PTPRT: variants seen among roughly 807,000 people sequenced by gnomAD.
The protein encoded by PTPRT is protein tyrosine phosphatase receptor type T.
Under a neutral mutation model 176.8 loss-of-function variants are expected in PTPRT, and 56 were observed. The observed-to-expected ratio is 0.32, with a 90% CI of 0.26 to 0.40. The LOEUF (loss-of-function observed/expected upper bound fraction) is 0.40, where lower values mean the gene tolerates loss of function less well. PTPRT is among the 10% of genes least tolerant of loss of function. The probability of loss-of-function intolerance (pLI) is 1.00; values close to 1 mark genes in which losing one functional copy is unlikely to be tolerated. For missense variants in PTPRT, 1,540 were observed against 1,908.2 expected, an observed-to-expected ratio of 0.81 and a Z score of 3.60; for synonymous variants, 783 against 739.0, an observed-to-expected ratio of 1.06 and a Z score of -0.96.
At chr20:43,166,307 G>A (rs529597770) in intron 1 of PTPRT, among the ~76,000 whole-genome samples, 2 of 149,712 alleles carry the variant, frequency 1.3e-5, no homozygotes, top group Admixed American at 6.6e-5. Flanking sequence ...AACCCCGGGC[G>A]ACAGAGCAAG....
chr20:42,536,916 A>AT (rs916272252), intron 7 of PTPRT, among the ~76,000 whole-genome samples: 37 of 152,256 alleles, frequency 2.4e-4, no homozygotes, highest in African/African-American at 6.7e-4. Context: ...TATCAAGAGC[A>AT]TTTTTTTGCA....
In PTPRT at chr20:42,616,732, C is replaced by T. The variant is rs1258864405; in HGVS notation, c.1153+61134G>A. Reference sequence around the variant, plus strand: ...ATGGGAGTTCACTCATGATTTGGCTCTCTGTTTGTCTGTTGTTGGTGTATA... The same window carrying T: ...ATGGGAGTTCACTCATGATTTGGCTTTCTGTTTGTCTGTTGTTGGTGTATA... On this transcript the variant is annotated intron_variant, in intron 7 of 30. Coordinates refer to ENST00000373187, the MANE Select transcript of PTPRT (RefSeq NM_007050.6). Among the ~76,000 whole-genome samples, 2 of 120,550 alleles carry T rather than the reference C, an allele frequency of 1.7e-5. 1 individual carries two copies. Among genetic ancestry groups the T allele is most frequent in the Non-Finnish European group, 3.3e-5 (2 of 60,272 alleles). 79.1% of individuals were successfully genotyped at this position (120,550 alleles called of 152,430 possible).
At chr20:42,964,784 T>C (rs571694395) in intron 1 of PTPRT, among the ~76,000 whole-genome samples, 5 of 152,192 alleles carry the variant, frequency 3.3e-5, no homozygotes, top group Admixed American at 2.6e-4. Context: ...GTTTTTATGT[T>C]GTATTATCTG....
chr20:42,682,195 T>C (rs776829037), intron 6 of PTPRT, among the ~76,000 whole-genome samples: 2 of 152,238 alleles, frequency 1.3e-5, no homozygotes, highest in Non-Finnish European at 2.9e-5. Flanking sequence ...ACCATTTCTG[T>C]ATCTTAACTG....
intron 12 of PTPRT, among the ~76,000 whole-genome samples, chr20:42,292,575 A>T (rs1385578836): frequency 6.6e-6 from 1 of 152,212 alleles, no homozygotes; most frequent in Non-Finnish European, 1.5e-5. Flanking sequence ...ATAATAAGCC[A>T]GGCTAAAATA....
intron 7 of PTPRT, among the ~76,000 whole-genome samples, chr20:42,648,223 C>A (rs944688743): frequency 1.3e-5 from 2 of 152,088 alleles, no homozygotes; most frequent in Admixed American, 6.5e-5. Context: ...TCAAGAAGAA[C>A]AGACTCCTCC....
chr20:42,735,372 C>A (rs543941627), intron 6 of PTPRT, among the ~76,000 whole-genome samples: 4 of 152,074 alleles, frequency 2.6e-5, no homozygotes, highest in Admixed American at 2.6e-4. Context: ...AGGCATCCCA[C>A]GGAAAACTGA....
At chr20:42,620,763 C>G (rs1161614339) in intron 7 of PTPRT, among the ~76,000 whole-genome samples, 8 of 152,224 alleles carry the variant, frequency 5.3e-5, no homozygotes. Flanking sequence ...ACCCCTTGCA[C>G]TTCCCAAGTG....
chr20:43,117,217 G>C (rs572732967), intron 1 of PTPRT, among the ~76,000 whole-genome samples: 5 of 152,254 alleles, frequency 3.3e-5, no homozygotes, highest in African/African-American at 1.2e-4. Context: ...GTAAAAACAT[G>C]CTGCATCTCT....
intron 13 of PTPRT, among the ~76,000 whole-genome samples, chr20:42,253,940 G>A (rs1198170249): frequency 6.6e-6 from 1 of 152,142 alleles, no homozygotes; most frequent in Non-Finnish European, 1.5e-5. Context: ...CCTAGCTCCA[G>A]CCCAGAGTCT....
intron 5 of PTPRT, among the ~76,000 whole-genome samples, chr20:42,768,318 T>TCC (rs112371509): frequency 0.011 from 1,686 of 152,014 alleles, 36 homozygotes; most frequent in African/African-American, 0.035. Flanking sequence ...CACCCCTCTC[T>TCC]CCCCCTTCTC....
At chr20:42,346,319 T>A (rs984839680) in intron 11 of PTPRT, among the ~76,000 whole-genome samples, 14 of 152,164 alleles carry the variant, frequency 9.2e-5, no homozygotes, top group African/African-American at 3.1e-4. Context: ...GGTGACTAAT[T>A]CATGGCTAAG....
chr20:42,690,100 G>T (rs546980979), intron 6 of PTPRT, among the ~76,000 whole-genome samples: 1 of 152,136 alleles, frequency 6.6e-6, no homozygotes, highest in African/African-American at 2.4e-5. Context: ...CAAGGGTGGG[G>T]TTATTCACAA....
At chr20:42,333,862 G>A (rs1302724531) in intron 11 of PTPRT, among the ~76,000 whole-genome samples, 1 of 151,930 alleles carries the variant, frequency 6.6e-6, no homozygotes, top group Non-Finnish European at 1.5e-5. Flanking sequence ...TGTATTTTTA[G>A]TACAGATGGG....
chr20:42,104,645 T>G lies in PTPRT; in HGVS notation c.3464A>C (p.Glu1155Ala). The G allele has an allele frequency of 6.2e-7, 1 of 1,602,386 alleles. No homozygotes were observed. The highest frequency in any genetic ancestry group is 8.6e-7 in the Non-Finnish European group (1 of 1,169,366). ...GATATTGTAGTAGAGAGAACGGAAC[T>G]CACACACAGGGATGGCAGTGTTGCC... The part of the protein sequence containing the change: ...LCGNTAIPVC[E>A]FRSLYYNISR... Residue 1155 changes from glutamate to alanine, a missense_variant, in exon 25 of 31, where the codon GAG (glutamate) becomes GCG (alanine). By Grantham distance (107) the Glu-to-Ala change is moderately radical (BLOSUM62 -1). Around this residue, in one of 11 missense-constraint regions of PTPRT, gnomAD observed 342 missense variants for 394.0 expected, o/e 0.87. Coordinates refer to ENST00000373187, the MANE Select transcript of PTPRT (RefSeq NM_007050.6).
At position 42,363,271 on chromosome 20, in the gene PTPRT, TA is replaced by T. The variant is rs1415755190; in HGVS notation, c.1561-10987del. ...CATTCTTGCAGCAATTTATTACAAT[TA>T]TATATATATATATATATATATATAT... is the stretch of plus-strand genomic sequence containing the variant. On this transcript the variant is annotated intron_variant, in intron 9 of 30. Coordinates refer to ENST00000373187, the MANE Select transcript of PTPRT (RefSeq NM_007050.6). Among the ~76,000 whole-genome samples the T allele has an allele frequency of 2.8e-3, 39 of 13,708 alleles. 1 individual carries two copies. Among genetic ancestry groups the T allele is most frequent in the South Asian group, 0.017 (3 of 180 alleles). The allele number at this position is 13,708 out of a possible 152,430, so 9.0% of individuals were successfully genotyped here.
intron 1 of PTPRT, among the ~76,000 whole-genome samples, chr20:42,896,563 A>T (rs1029507458): frequency 2.7e-5 from 4 of 146,622 alleles, no homozygotes; most frequent in Admixed American, 1.4e-4. Context: ...TGAACCTGGG[A>T]GGCGGAGGTT....
At chr20:42,759,146 G>A (rs2076879867) in intron 5 of PTPRT, among the ~76,000 whole-genome samples, 1 of 152,236 alleles carries the variant, frequency 6.6e-6, no homozygotes, top group South Asian at 2.1e-4. Context: ...CCCCACTGCT[G>A]AGCAAGGCAT....
chr20:42,434,465 A>G (rs1220573830), intron 9 of PTPRT, among the ~76,000 whole-genome samples: 1 of 152,178 alleles, frequency 6.6e-6, no homozygotes, highest in East Asian at 1.9e-4. Context: ...TGAGTTAAGT[A>G]TAAACTCACT....
Sources: gnomAD v4.1 joint callset for allele counts (sites outside exome capture counted in the v4.1 genomes callset) on GRCh38, gnomAD v4.1.1 for gene constraint, gnomAD v4.1.1 regional missense constraint, MANE v1.5 for transcripts, NCBI Gene and HGNC (gene_info 2026-07-23, HGNC 2026-07-21) for gene names.